Variants in C8orf89 observed in about 807,000 individuals in gnomAD.
C8orf89 encodes the protein putative uncharacterized protein C8orf89.
Under a neutral mutation model 15.8 loss-of-function variants are expected in C8orf89, and 14 were observed. That is an observed-to-expected ratio of 0.89 (90% CI 0.59 to 1.39). The LOEUF (loss-of-function observed/expected upper bound fraction) is 1.39, where lower values mean the gene tolerates loss of function less well. C8orf89 is among the 40% of genes most tolerant of loss of function. The probability of loss-of-function intolerance (pLI) is 0.00; values close to 1 mark genes in which losing one functional copy is unlikely to be tolerated. For missense variants in C8orf89, 181 were observed against 184.5 expected (o/e 0.98, Z 0.11); for synonymous variants, 55 against 62.2 (o/e 0.88, Z 0.54).
At chr8:73,272,628 C>T in the C8orf89 span, among the ~76,000 whole-genome samples, 37 of 151,934 alleles carry the variant, frequency 2.4e-4, no homozygotes, top group Middle Eastern at 6.8e-3. Flanking sequence ...TGATAGGCCC[C>T]GGTGTGTGAT....
the C8orf89 span, among the ~76,000 whole-genome samples, chr8:73,285,094 AG>A: frequency 6.6e-6 from 1 of 152,200 alleles, no homozygotes; most frequent in African/African-American, 2.4e-5. Flanking sequence ...GGCAACAGAA[AG>A]AGGGTTTTAA....
At chr8:73,256,345 CAG>C (rs1335036577) in intron 2 of C8orf89, among the ~76,000 whole-genome samples, 5 of 151,106 alleles carry the variant, frequency 3.3e-5, no homozygotes, top group African/African-American at 1.2e-4. Context: ...TTTAATATTG[CAG>C]AGAGTTAATT....
At chr8:73,284,307 G>A in the C8orf89 span, among the ~76,000 whole-genome samples, 7 of 140,436 alleles carry the variant, frequency 5.0e-5, no homozygotes, top group South Asian at 2.3e-4. Context: ...TCCGCCTCCC[G>A]GTTTCAAGCA....
the C8orf89 span, among the ~76,000 whole-genome samples, chr8:73,278,725 C>T: frequency 1.3e-5 from 2 of 152,146 alleles, no homozygotes; most frequent in Non-Finnish European, 2.9e-5. Flanking sequence ...GATACTATAT[C>T]TATTATTCTC....
At chr8:73,273,748 G>GT in the C8orf89 span, among the ~76,000 whole-genome samples, 2,477 of 141,426 alleles carry the variant, frequency 0.018, 17 homozygotes, top group South Asian at 0.025. Flanking sequence ...GGTGATGCCA[G>GT]TTTTTTTTTT....
At chr8:73,256,705 C>G (rs1263563751) in intron 2 of C8orf89, among the ~76,000 whole-genome samples, 1 of 103,810 alleles carries the variant, frequency 9.6e-6, no homozygotes, top group South Asian at 3.1e-4. Flanking sequence ...TCCAGCCTGG[C>G]AAAACAGCGA....
chr8:73,244,668 ATGAG>A (rs1554576397), intron 3 of C8orf89, among the ~76,000 whole-genome samples: 3 of 152,260 alleles, frequency 2.0e-5, no homozygotes, highest in Non-Finnish European at 4.4e-5. Flanking sequence ...CAGGGGTAAT[ATGAG>A]TGAGAAGTTC....
chr8:73,273,295 C>T, the C8orf89 span, among the ~76,000 whole-genome samples: 2 of 152,232 alleles, frequency 1.3e-5, no homozygotes, highest in African/African-American at 2.4e-5. Flanking sequence ...CTCAGGGCCC[C>T]GGAAACCACT....
intron 2 of C8orf89, among the ~76,000 whole-genome samples, chr8:73,254,223 GC>G (rs1326902382): frequency 6.6e-6 from 1 of 151,742 alleles, no homozygotes; most frequent in Admixed American, 6.6e-5. Context: ...CTGTTTATAT[GC>G]TGGATTACAT....
chr8:73,283,156 C>T, the C8orf89 span, among the ~76,000 whole-genome samples: 2 of 152,174 alleles, frequency 1.3e-5, no homozygotes, highest in East Asian at 1.9e-4. Flanking sequence ...ATATGCAAGG[C>T]AGGAAGAAGA....
At chr8:73,247,292 A>G (rs1586161621) in intron 3 of C8orf89, among the ~76,000 whole-genome samples, 1 of 151,756 alleles carries the variant, frequency 6.6e-6, no homozygotes, top group Non-Finnish European at 1.5e-5. Context: ...TTATGGCTGC[A>G]TAGTATTCCA....
chr8:73,244,520 A>G (rs1362191501), intron 3 of C8orf89, among the ~76,000 whole-genome samples: 4 of 152,240 alleles, frequency 2.6e-5, no homozygotes, highest in Admixed American at 6.5e-5. Flanking sequence ...ATTTAAAAAC[A>G]TATATGCAGC....
the C8orf89 span, among the ~76,000 whole-genome samples, chr8:73,272,604 C>T: frequency 1.3e-5 from 2 of 151,826 alleles, no homozygotes; most frequent in South Asian, 4.1e-4. Context: ...TCCCTCCCCC[C>T]TCTCCCCACC....
At chr8:73,244,741 T>C (rs766705314) in intron 3 of C8orf89, among the ~76,000 whole-genome samples, 4 of 152,142 alleles carry the variant, frequency 2.6e-5, no homozygotes, top group Non-Finnish European at 4.4e-5. Context: ...AGCAGTACAA[T>C]GGACTTGACA....
the C8orf89 span, chr8:73,277,804 G>C: frequency 9.6e-6 from 7 of 726,126 alleles, no homozygotes; most frequent in Non-Finnish European, 1.8e-5. Context: ...CCTGGCCTCC[G>C]CACAGCCATA....
intron 2 of C8orf89, among the ~76,000 whole-genome samples, chr8:73,253,136 C>T (rs900100370): frequency 1.3e-5 from 2 of 152,086 alleles, no homozygotes; most frequent in Non-Finnish European, 2.9e-5. Flanking sequence ...GAGCTAGACT[C>T]CGTCTCAAAA....
chr8:73,268,777 G>T, the C8orf89 span, among the ~76,000 whole-genome samples: 1 of 152,156 alleles, frequency 6.6e-6, no homozygotes, highest in African/African-American at 2.4e-5. Flanking sequence ...GTGACAGTAT[G>T]GGTAAAACCA....
chr8:73,261,872 C>T (rs1451007728), upstream of C8orf89, among the ~76,000 whole-genome samples: 2 of 152,152 alleles, frequency 1.3e-5, no homozygotes, highest in Non-Finnish European at 2.9e-5. Flanking sequence ...CCCACGCTTC[C>T]TTCCCTGCAG....
the C8orf89 span, among the ~76,000 whole-genome samples, chr8:73,272,578 A>T: frequency 3.3e-5 from 5 of 152,058 alleles, no homozygotes; most frequent in Non-Finnish European, 5.9e-5. Flanking sequence ...TACATTAGGT[A>T]TATCTCCTAA....
Sources: allele counts gnomAD v4.1 joint callset (sites outside exome capture counted in the v4.1 genomes callset), GRCh38; gene constraint gnomAD v4.1.1; transcripts MANE v1.5; gene names NCBI Gene and HGNC (gene_info 2026-07-23, HGNC 2026-07-21).